Variants in SEMA6D observed in about 807,000 individuals in gnomAD.
SEMA6D encodes the protein semaphorin 6D.
In SEMA6D, 35 loss-of-function variants were observed where a neutral mutation model predicts 106.6. The observed-to-expected ratio is 0.33, with a 90% CI of 0.25 to 0.44. The LOEUF is 0.44. Ranked by LOEUF, SEMA6D falls within the 20% of genes least tolerant of loss-of-function variation. The pLI is 1.00. For missense variants in SEMA6D, 1,185 were observed against 1,345.9 expected (o/e 0.88, Z 1.87); for synonymous variants, 499 against 487.7 (o/e 1.02, Z -0.31).
intron 4 of SEMA6D, among the ~76,000 whole-genome samples, chr15:47,627,034 C>T (rs72735822): frequency 0.034 from 5,211 of 152,160 alleles, 125 homozygotes; most frequent in Non-Finnish European, 0.047. Flanking sequence ...AGTTGGTGAG[C>T]AAGAGAGAAT....
chr15:47,568,059 T>A (rs1412623323), intron 3 of SEMA6D, among the ~76,000 whole-genome samples: 5 of 152,154 alleles, frequency 3.3e-5, no homozygotes, highest in African/African-American at 1.2e-4. Flanking sequence ...AACTAGCCAA[T>A]TCAAATTTCA....
chr15:47,571,899 G>A (rs540901123), intron 3 of SEMA6D, among the ~76,000 whole-genome samples: 1 of 152,298 alleles, frequency 6.6e-6, no homozygotes, highest in Non-Finnish European at 1.5e-5. Flanking sequence ...CAAACAAAGA[G>A]ATGATTTTTT....
chr15:47,224,575 C>T (rs901077316), intron 1 of SEMA6D, among the ~76,000 whole-genome samples: 1 of 152,062 alleles, frequency 6.6e-6, no homozygotes, highest in Non-Finnish European at 1.5e-5. Flanking sequence ...ACCCTAGCAA[C>T]CACTCAGCAT....
chr15:47,434,885 C>A (rs562123277), intron 2 of SEMA6D, among the ~76,000 whole-genome samples: 1 of 152,202 alleles, frequency 6.6e-6, no homozygotes, highest in African/African-American at 2.4e-5. Context: ...TGGGGCCGTC[C>A]TTTGACCTTG....
chr15:47,670,540 A>G (rs2078117339), intron 4 of SEMA6D, among the ~76,000 whole-genome samples: 1 of 152,128 alleles, frequency 6.6e-6, no homozygotes, highest in Non-Finnish European at 1.5e-5. Context: ...TGTCTTAATG[A>G]TTTCTTCCCA....
At chr15:47,520,440 A>T (rs544812277) in intron 3 of SEMA6D, among the ~76,000 whole-genome samples, 1 of 152,218 alleles carries the variant, frequency 6.6e-6, no homozygotes, top group Admixed American at 6.5e-5. Context: ...ATGAGAGAAC[A>T]TAAGATGGAT....
At chr15:47,754,269 T>C (rs1269855397) in intron 1 of SEMA6D, among the ~76,000 whole-genome samples, 1 of 152,200 alleles carries the variant, frequency 6.6e-6, no homozygotes, top group Non-Finnish European at 1.5e-5. Context: ...TTTAAAAATT[T>C]GCATTAACCT....
At chr15:47,281,785 G>T (rs967594570) in intron 1 of SEMA6D, among the ~76,000 whole-genome samples, 1 of 152,006 alleles carries the variant, frequency 6.6e-6, no homozygotes, top group Non-Finnish European at 1.5e-5. Context: ...TTGCTTTGTT[G>T]TAACATTCTG....
chr15:47,421,721 G>A (rs2041165205), intron 2 of SEMA6D, among the ~76,000 whole-genome samples: 1 of 151,958 alleles, frequency 6.6e-6, no homozygotes, highest in South Asian at 2.1e-4. Flanking sequence ...AGAAGTAAAG[G>A]TGCCAATGAC....
At chr15:47,683,766 C>A (rs2078410232) in intron 4 of SEMA6D, among the ~76,000 whole-genome samples, 1 of 152,158 alleles carries the variant, frequency 6.6e-6, no homozygotes, top group Non-Finnish European at 1.5e-5. Context: ...ATGAATGATT[C>A]CTATTCCCTG....
intron 1 of SEMA6D, among the ~76,000 whole-genome samples, chr15:47,353,917 A>C (rs914631558): frequency 2.6e-5 from 4 of 152,128 alleles, no homozygotes; most frequent in African/African-American, 9.7e-5. Context: ...TGTGCAGGCA[A>C]TTATGAAGAA....
chr15:47,404,787 T>C (rs1175421687), intron 1 of SEMA6D, among the ~76,000 whole-genome samples: 3 of 152,174 alleles, frequency 2.0e-5, no homozygotes, highest in Admixed American at 6.5e-5. Context: ...TCAATCAACA[T>C]GTATTTATCA....
chr15:47,766,415 T>C (rs2082341856), intron 15 of SEMA6D, among the ~76,000 whole-genome samples: 5 of 152,142 alleles, frequency 3.3e-5, no homozygotes, highest in Admixed American at 3.3e-4. Flanking sequence ...ACCAATTCTC[T>C]TCTGTTCTCT....
chr15:47,429,003 G>A (rs1194419576), intron 2 of SEMA6D, among the ~76,000 whole-genome samples: 3 of 151,368 alleles, frequency 2.0e-5, no homozygotes, highest in Non-Finnish European at 4.4e-5. Flanking sequence ...AGGGAGGGAG[G>A]GAGGAAGGAA....
At chr15:47,717,794 T>TGTGTGTGTGC (rs1379079967) in intron 1 of SEMA6D, 102 bp downstream of exon 1, 8 of 132,962 alleles carry the variant, frequency 6.0e-5, no homozygotes, top group African/African-American at 2.2e-4. Flanking sequence ...TGTGTGTGTG[T>TGTGTGTGTGC]GCGCGCGGTG....
intron 2 of SEMA6D, among the ~76,000 whole-genome samples, chr15:47,452,106 T>G (rs559937364): frequency 2.6e-4 from 39 of 152,112 alleles, no homozygotes; most frequent in African/African-American, 9.4e-4. Flanking sequence ...TCTTAGTCCC[T>G]TAAAGCCTAG....
chr15:47,319,106 G>A (rs1320364808), intron 1 of SEMA6D, among the ~76,000 whole-genome samples: 8 of 151,548 alleles, frequency 5.3e-5, no homozygotes, highest in Non-Finnish European at 1.2e-4. Context: ...AGATTGTTTC[G>A]TCAGCCATGT....
intron 1 of SEMA6D, among the ~76,000 whole-genome samples, chr15:47,729,981 G>A (rs961605522): frequency 9.2e-5 from 14 of 152,128 alleles, no homozygotes; most frequent in African/African-American, 2.9e-4. Flanking sequence ...GGTGATGGGC[G>A]GGAGAGAGTC....
At chr15:47,644,539 C>T (rs1167577298) in intron 4 of SEMA6D, among the ~76,000 whole-genome samples, 13 of 152,148 alleles carry the variant, frequency 8.5e-5, no homozygotes, top group Non-Finnish European at 1.5e-5. Flanking sequence ...GGTGATTAGG[C>T]CATGAGGGCT....
Sources: gnomAD v4.1 joint callset for allele counts (sites outside exome capture counted in the v4.1 genomes callset) on GRCh38, gnomAD v4.1.1 for gene constraint, MANE v1.5 for transcripts, NCBI Gene and HGNC (gene_info 2026-07-23, HGNC 2026-07-21) for gene names.